The following SCGB2B2 variants were observed in gnomAD, a reference collection of about 807,000 sequenced individuals.
The protein encoded by SCGB2B2 is secretoglobin family 2B member 2, also known as secretoglobin-like protein.
SCGB2B2 carries 11 observed loss-of-function variants against 7.6 expected under a neutral mutation model. The ratio of observed to expected loss-of-function variants is 1.45; its 90% CI spans 0.91 to 2.40. The LOEUF (loss-of-function observed/expected upper bound fraction) is 2.40, where lower values mean the gene tolerates loss of function less well. Ranked by LOEUF, SCGB2B2 falls within the 30% of genes most tolerant of loss-of-function variation. SCGB2B2 has a pLI of 0.00. For synonymous variants in SCGB2B2, 50 were observed against 48.6 expected, an observed-to-expected ratio of 1.03 and a Z score of -0.12; for missense variants, 104 against 115.4, an observed-to-expected ratio of 0.90 and a Z score of 0.45.
At chr19:34,645,775 C>A (rs1324229280) in intron 1 of SCGB2B2, 3 of 307,408 alleles carry the variant, frequency 9.8e-6, no homozygotes, top group Non-Finnish European at 2.0e-5. Flanking sequence ...TGCTCCTTCA[C>A]CGTCATTGCC....
intron 1 of SCGB2B2, among the ~76,000 whole-genome samples, chr19:34,637,020 T>C (rs549622188): frequency 6.6e-6 from 1 of 151,868 alleles, no homozygotes; most frequent in Non-Finnish European, 1.5e-5. Context: ...AGAAAACTAG[T>C]ATTACAAAAA....
chr19:34,614,549 A>G (rs2066018832), intron 1 of SCGB2B2, among the ~76,000 whole-genome samples: 1 of 152,082 alleles, frequency 6.6e-6, no homozygotes, highest in Admixed American at 6.5e-5. Context: ...ATTTTCTTTT[A>G]TCTTGTCGAG....
intron 1 of SCGB2B2, among the ~76,000 whole-genome samples, chr19:34,613,144 G>C (rs1398164841): frequency 1.3e-5 from 2 of 151,152 alleles, no homozygotes; most frequent in Non-Finnish European, 2.9e-5. Flanking sequence ...TGTTGCCCAG[G>C]GTGGAGTGCA....
At chr19:34,649,006 G>T (rs1324312123) in intron 1 of SCGB2B2, among the ~76,000 whole-genome samples, 1 of 152,100 alleles carries the variant, frequency 6.6e-6, no homozygotes, top group African/African-American at 2.4e-5. Context: ...GGGTTCAAGC[G>T]ATTCTCCTGC....
rs1490958075 is a variant in SCGB2B2 at position 34,594,652 on chromosome 19, C to A, written c.-89G>T. 1.4e-5 allele frequency: 9 copies of A among 657,680 alleles called. No individual in the cohort carries two copies. Among genetic ancestry groups the A allele is most frequent in the South Asian group, 3.3e-5 (2 of 60,522 alleles). 40.7% of individuals were successfully genotyped at this position (657,680 alleles called of 1,614,324 possible). Reference sequence around the variant, plus strand: ...TATCTGAACAAGGCACATGCCTCTTCGTGTGTGTGTGTGTGTGTGTGTGTG... The same window carrying A: ...TATCTGAACAAGGCACATGCCTCTTAGTGTGTGTGTGTGTGTGTGTGTGTG... On this transcript the variant is annotated 5_prime_UTR_variant, in exon 2 of 4. It introduces an in-frame stop codon into an upstream open reading frame of the 5' UTR. Transcript: ENST00000601241.
chr19:34,661,272 TA>T lies in SCGB2B2; in HGVS notation c.-2032+14357del, dbSNP rs200761458. On this transcript the variant is annotated intron_variant, in intron 1 of 3. Coordinates refer to ENST00000601241, the MANE Select transcript of SCGB2B2 (RefSeq NM_001025591.4). Reference sequence around the variant, plus strand: ...ATGTACCCTAGAACTCAAAGTATAATAAAAAAATAAATAAATAAACGTGCAA... The same window carrying T: ...ATGTACCCTAGAACTCAAAGTATAATAAAAAATAAATAAATAAACGTGCAA... 8.6e-3 allele frequency among the ~76,000 whole-genome samples: 1,289 copies of T among 150,704 alleles called. 17 individuals carry two copies. Among genetic ancestry groups the T allele is most frequent in the African/African-American group, 0.031 (1,251 of 40,928 alleles).
chr19:34,623,855 A>G (rs1426274904), intron 1 of SCGB2B2, among the ~76,000 whole-genome samples: 3 of 152,210 alleles, frequency 2.0e-5, no homozygotes, highest in Non-Finnish European at 4.4e-5. Flanking sequence ...CTCAAAAAAT[A>G]TAAGGATTAA....
downstream of SCGB2B2, among the ~76,000 whole-genome samples, chr19:34,586,200 T>G (rs865914927): frequency 3.3e-5 from 5 of 152,350 alleles, no homozygotes; most frequent in Middle Eastern, 3.4e-3. Flanking sequence ...ATCTATTAAG[T>G]TGATTCTAAT....
downstream of SCGB2B2, among the ~76,000 whole-genome samples, chr19:34,586,960 T>C (rs2065200002): frequency 6.6e-6 from 1 of 152,190 alleles, no homozygotes; most frequent in Non-Finnish European, 1.5e-5. Context: ...CAGCCTGGAG[T>C]GCAATGACGT....
intron 1 of SCGB2B2, among the ~76,000 whole-genome samples, chr19:34,625,603 G>C (rs988208730): frequency 6.6e-6 from 1 of 152,180 alleles, no homozygotes; most frequent in Non-Finnish European, 1.5e-5. Context: ...GGCTTGAGTA[G>C]GTAAACAAAG....
intron 1 of SCGB2B2, among the ~76,000 whole-genome samples, chr19:34,631,741 T>G (rs764649213): frequency 1.9e-4 from 29 of 152,096 alleles, no homozygotes; most frequent in Non-Finnish European, 4.0e-4. Flanking sequence ...CACAATACTT[T>G]TATTAGAAAA....
At chr19:34,647,603 C>T (rs1459634596) in intron 1 of SCGB2B2, among the ~76,000 whole-genome samples, 2 of 152,160 alleles carry the variant, frequency 1.3e-5, no homozygotes, top group South Asian at 2.1e-4. Flanking sequence ...ACTTAACACA[C>T]TGTCTGCCCC....
At position 34,593,510 on chromosome 19, in the gene SCGB2B2, A is replaced by C. The variant is rs1423892951; in HGVS notation, c.*45T>G. 1.3e-6 allele frequency: 2 copies of C among 1,486,918 alleles called. No homozygotes were observed. Among genetic ancestry groups the C allele is most frequent in the Non-Finnish European group, 1.8e-6 (2 of 1,090,160 alleles). 92.1% of individuals were successfully genotyped at this position (1,486,918 alleles called of 1,614,324 possible). ...CCAGGCCAGGAACGCGGGGAGCCCC[A>C]AGGAAGGCAGGAGGGCCAATATCTG... On this transcript the variant is annotated 3_prime_UTR_variant, in exon 4 of 4. Coordinates refer to ENST00000601241, the MANE Select transcript of SCGB2B2 (RefSeq NM_001025591.4).
At chr19:34,594,380 T>A in intron 2 of SCGB2B2, 21 bp from the exon 3 acceptor site, 1 of 1,611,440 alleles carries the variant, frequency 6.2e-7, no homozygotes, top group South Asian at 1.1e-5. Flanking sequence ...TGAGGTGAGA[T>A]AAGAAAACAG....
chr19:34,589,674 C>A (rs59001522), downstream of SCGB2B2, among the ~76,000 whole-genome samples: 7,965 of 152,082 alleles, frequency 0.052, 608 homozygotes, highest in African/African-American at 0.17. Context: ...ATCATGGTGA[C>A]CCTTTGTGCT....
At chr19:34,589,175 G>T (rs117093062), downstream of SCGB2B2, among the ~76,000 whole-genome samples, 3 of 152,250 alleles carry the variant, frequency 2.0e-5, no homozygotes, top group Non-Finnish European at 4.4e-5. Flanking sequence ...ACACTTAGAC[G>T]TACTGCCCAC....
At chr19:34,632,098 C>T (rs1226212984) in intron 1 of SCGB2B2, 2 of 152,140 alleles carry the variant, frequency 1.3e-5, no homozygotes, top group Admixed American at 6.5e-5. Flanking sequence ...AGCTGTGACC[C>T]CAAACCTCAC....
At chr19:34,637,296 C>A (rs2066709843) in intron 1 of SCGB2B2, among the ~76,000 whole-genome samples, 1 of 152,164 alleles carries the variant, frequency 6.6e-6, no homozygotes, top group Non-Finnish European at 1.5e-5. Context: ...GGTAGTGGGG[C>A]TGCCTGGGGA....
intron 1 of SCGB2B2, among the ~76,000 whole-genome samples, chr19:34,628,854 G>A (rs766871306): frequency 1.3e-4 from 20 of 151,926 alleles, no homozygotes; most frequent in Non-Finnish European, 2.4e-4. Flanking sequence ...GATGAACATC[G>A]ATGCAAAAGT....
Sources: gnomAD v4.1 joint callset for allele counts (sites outside exome capture counted in the v4.1 genomes callset) on GRCh38, gnomAD v4.1.1 for gene constraint, MANE v1.5 for transcripts, NCBI Gene and HGNC (gene_info 2026-07-23, HGNC 2026-07-21) for gene names.